RGR: variants seen among roughly 807,000 people sequenced by gnomAD.
The protein encoded by RGR is retinal G protein coupled receptor, also known as RPE-retinal G protein-coupled receptor.
A neutral mutation model predicts 28.6 loss-of-function variants in RGR; 30 were observed. The observed-to-expected ratio is 1.05, with a 90% CI of 0.78 to 1.42. The LOEUF is 1.42. RGR is among the 40% of genes most tolerant of loss of function. The probability of loss-of-function intolerance (pLI) is 0.00; values close to 1 mark genes in which losing one functional copy is unlikely to be tolerated. For synonymous variants in RGR, 180 were observed against 156.4 expected (o/e 1.15, Z -1.13); for missense variants, 404 against 375.6 (o/e 1.08, Z -0.62).
At position 84,258,490 on chromosome 10, in the gene RGR, A is replaced by G. The variant is rs1253656071; in HGVS notation, c.745-18A>G. On this transcript the variant is annotated intron_variant, in intron 6 of 6. Transcript: ENST00000652092. ...AGTGGCTTTGAAGCTTCTTTTCTGG[A>G]CTTTTCTGCCACAACAGGTGCCCGC... The G allele has an allele frequency of 6.2e-7, 1 of 1,614,122 alleles. No homozygotes were observed. Among genetic ancestry groups the G allele is most frequent in the South Asian group, 1.1e-5 (1 of 91,076 alleles).
At position 84,249,013 on chromosome 10, in the gene RGR, G is replaced by T. The variant is rs780231448; in HGVS notation, c.328G>T (p.Ala110Ser). Residue 110 changes from alanine to serine, a missense_variant, in exon 3 of 7, where the codon GCA becomes TCA. Physicochemically the swap from Ala to Ser is moderately conservative, Grantham distance 99. Transcript: ENST00000652092. ...CAGCATCTGCAGCAGTGCAGCCATC[G>T]CATGGGGGCGTTATCACCACTACTG... ...LASICSSAAIAWGRYHHYCTR... is the reference protein window; with the variant it reads ...LASICSSAAISWGRYHHYCTR... The T allele has an allele frequency of 1.2e-6, 2 of 1,613,974 alleles. No homozygotes were observed. Among genetic ancestry groups the T allele is most frequent in the Non-Finnish European group, 8.5e-7 (1 of 1,179,910 alleles).
chr10:84,254,421 T>TG lies in RGR; in HGVS notation c.612dup (p.Lys205GlufsTer66), dbSNP rs746669987. ...TCCTACAGTCTCATGGAGCAGAAAC[T>TG]GGGGAAGAGTGGCCATCTCCAGGTA... On this transcript the variant is annotated frameshift_variant, in exon 5 of 7. Coordinates refer to ENST00000652092, the MANE Select transcript of RGR (RefSeq NM_001012720.2). LOFTEE classifies it high-confidence loss of function. 1 of 1,614,136 alleles carries TG rather than the reference T, an allele frequency of 6.2e-7. No homozygotes were observed.
chr10:84,245,816 C>T (rs972712476), intron 1 of RGR, among the ~76,000 whole-genome samples: 2 of 152,192 alleles, frequency 1.3e-5, no homozygotes, highest in African/African-American at 4.8e-5. Flanking sequence ...CTGCGAGGTA[C>T]CTACCTCAAC....
At chr10:84,246,794 C>A (rs1842752011) in intron 1 of RGR, among the ~76,000 whole-genome samples, 1 of 152,178 alleles carries the variant, frequency 6.6e-6, no homozygotes, top group Non-Finnish European at 1.5e-5. Flanking sequence ...TTTACATATT[C>A]CCACCAGCAG....
chr10:84,252,015 T>G (rs1346308087), intron 3 of RGR, among the ~76,000 whole-genome samples: 1 of 151,884 alleles, frequency 6.6e-6, no homozygotes, highest in African/African-American at 2.4e-5. Context: ...CAAAGGAGTA[T>G]GACAAAAAAA....
chr10:84,256,535 C>A (rs1374359217), intron 5 of RGR, among the ~76,000 whole-genome samples: 1 of 152,150 alleles, frequency 6.6e-6, no homozygotes, highest in East Asian at 1.9e-4. Context: ...TCATCTGCCA[C>A]TTTATTTATT....
chr10:84,247,499 A>G (rs1842760841), intron 1 of RGR, 92 bp from the exon 2 acceptor site: 2 of 1,391,122 alleles, frequency 1.4e-6, no homozygotes, highest in East Asian at 4.6e-5. Context: ...TCTGTCCAGG[A>G]GGTTGCTGAT....
chr10:84,254,183 GA>G, intron 4 of RGR, 142 bp from the exon 5 acceptor site: 1 of 759,142 alleles, frequency 1.3e-6, no homozygotes, highest in African/African-American at 1.7e-5. Context: ...GTTCACCTGG[GA>G]CCCGGGAGCA....
In RGR at chr10:84,254,357, T is replaced by TTCTTCAAATTCGCCATGCCCC. The variant is rs1246089928; in HGVS notation, c.551_552insATTCGCCATGCCCCTCTTCAA (p.Phe183_Asn184insLysPheAlaMetProLeuPhe). On this transcript the variant is annotated inframe_insertion, in exon 5 of 7. Coordinates refer to ENST00000652092, the MANE Select transcript of RGR (RefSeq NM_001012720.2). ...CACCAGCTTCCTCTTCACCATGTCC[T>TTCTTCAAATTCGCCATGCCCC]TCTTCAACTTCGCCATGCCCCTCTT... The TTCTTCAAATTCGCCATGCCCC allele has an allele frequency of 6.2e-7, 1 of 1,614,184 alleles. No individual in the cohort carries two copies. The highest frequency in any genetic ancestry group is 8.5e-7 in the Non-Finnish European group (1 of 1,180,018).
At position 84,245,089 on chromosome 10, in the gene RGR, G is replaced by T. The variant is rs969785723; in HGVS notation, c.-2G>T. The T allele has an allele frequency of 1.6e-5, 26 of 1,613,396 alleles. No individual in the cohort carries two copies. Among genetic ancestry groups the T allele is most frequent in the Non-Finnish European group, 4.2e-6 (5 of 1,179,824 alleles). ...GGCCACTGGCAGTGAGGGAGAGTGA[G>T]GATGGCAGAGACCAGTGCCCTGCCC... is the stretch of plus-strand genomic sequence containing the variant. On this transcript the variant is annotated 5_prime_UTR_variant, in exon 1 of 7. The change creates a new upstream start codon in the 5' untranslated region. Transcript: ENST00000652092.
chr10:84,250,489 G>A (rs939396602), intron 3 of RGR: 54 of 708,964 alleles, frequency 7.6e-5, no homozygotes, highest in Non-Finnish European at 1.3e-4. Context: ...CCCAGCCCCT[G>A]CCCCTAATGC....
chr10:84,248,781 C>T (rs2132878491), intron 2 of RGR, 141 bp from the exon 3 acceptor site: 2 of 1,504,280 alleles, frequency 1.3e-6, no homozygotes, highest in Non-Finnish European at 1.8e-6. Context: ...TCCAACGCCT[C>T]ATAGGAAAGA....
Position 84,254,501 on chromosome 10 carries a change from T to C in RGR, c.630+58T>C. 2.2e-6 allele frequency: 3 copies of C among 1,394,842 alleles called. 1 individual carries two copies. In the South Asian group the frequency reaches 3.5e-5, roughly 16 times the overall value. 86.4% of individuals were successfully genotyped at this position (1,394,842 alleles called of 1,614,324 possible). On this transcript the variant is annotated intron_variant, in intron 5 of 6. Transcript: ENST00000652092. ...GTGCAGCGCAGCTCCAGGCTCTTGG[T>C]GTCCCGAACAAAGAATTGGATGTGA...
At chr10:84,248,892 G>A (rs1240349830) in intron 2 of RGR, 30 bp from the exon 3 acceptor site, 2 of 1,614,214 alleles carry the variant, frequency 1.2e-6, no homozygotes, top group East Asian at 2.2e-5. Flanking sequence ...GATCGGAGGA[G>A]AGGTCACTGG....
In RGR at chr10:84,247,597, C is replaced by G; in HGVS notation, c.86C>G (p.Ser29Cys). 1 of 1,614,180 alleles carries G rather than the reference C, an allele frequency of 6.2e-7. No individual in the cohort carries two copies. The highest frequency in any genetic ancestry group is 8.5e-7 in the Non-Finnish European group (1 of 1,180,040). Residue 29 changes from serine to cysteine, a missense_variant, in exon 2 of 7, where the codon TCC (serine) becomes TGC (cysteine). Physicochemically the swap from Ser to Cys is moderately radical, Grantham distance 112. Coordinates refer to ENST00000652092, the MANE Select transcript of RGR (RefSeq NM_001012720.2). ...VGMVLLVEAL[S>C]GLSLNTLTIF... is the part of the protein sequence containing the mutation. ...CCCCCACCCTTCCTTTCAGCTCTCT[C>G]CGGTCTCAGCCTCAATACCCTGACC...
chr10:84,247,151 T>C (rs1254474635), intron 1 of RGR, among the ~76,000 whole-genome samples: 1 of 152,210 alleles, frequency 6.6e-6, no homozygotes, highest in African/African-American at 2.4e-5. Context: ...CCTGGCGTCC[T>C]GGGCAGCTCC....
At chr10:84,245,289 A>G in intron 1 of RGR, 120 bp downstream of exon 1, 2 of 911,556 alleles carry the variant, frequency 2.2e-6, no homozygotes, top group Non-Finnish European at 3.4e-6. Context: ...GTCCGGTCCC[A>G]TTGGCTGCCT....
In RGR at chr10:84,259,044, C is replaced by G. The variant is rs1263405307; in HGVS notation, c.*405C>G. 2.1e-5 allele frequency: 6 copies of G among 290,374 alleles called. No individual in the cohort carries two copies. The highest frequency in any genetic ancestry group is 2.7e-5 in the Non-Finnish European group (4 of 148,178). The allele number at this position is 290,374 out of a possible 1,614,324, so 18.0% of individuals were successfully genotyped here. ...CACCCCCTCCCACCTTGTCACCCTT[C>G]TGAGTCTCCAATGTCTATTATTCCA... On this transcript the variant is annotated 3_prime_UTR_variant, in exon 7 of 7. Transcript: ENST00000652092.
Position 84,258,747 on chromosome 10 carries a change from G to A in RGR, c.*108G>A, listed in dbSNP as rs892887403. The A allele has an allele frequency of 8.7e-6, 13 of 1,498,684 alleles. No individual in the cohort carries two copies. Among genetic ancestry groups the A allele is most frequent in the African/African-American group, 2.8e-5 (2 of 72,652 alleles). 92.8% of individuals were successfully genotyped at this position (1,498,684 alleles called of 1,614,324 possible). On this transcript the variant is annotated 3_prime_UTR_variant, in exon 7 of 7. Transcript: ENST00000652092. ...CTCACCCACCTTCCCCAGTGGCCCC[G>A]TGGATCCTGGTCCTAGGCTGGACAC...
Sources: allele counts gnomAD v4.1 joint callset (sites outside exome capture counted in the v4.1 genomes callset), GRCh38; gene constraint gnomAD v4.1.1; transcripts MANE v1.5; gene names NCBI Gene and HGNC (gene_info 2026-07-23, HGNC 2026-07-21).